The following SPTB variants were observed in gnomAD, a reference collection of about 807,000 sequenced individuals.
SPTB encodes the protein spectrin beta chain, erythrocytic.
In SPTB, 45 loss-of-function variants were observed where a neutral mutation model predicts 256.2. That is an observed-to-expected ratio of 0.18 (90% CI 0.14 to 0.23). The LOEUF (loss-of-function observed/expected upper bound fraction) is 0.23. Ranked by LOEUF, SPTB falls within the 10% of genes least tolerant of loss-of-function variation. The probability of loss-of-function intolerance (pLI) is 1.00; values close to 1 mark genes in which losing one functional copy is unlikely to be tolerated. For synonymous variants in SPTB, 1,231 were observed against 1,243.1 expected (o/e 0.99, Z 0.21); for missense variants, 2,715 against 3,040.4 (o/e 0.89, Z 2.52).
At position 64,792,126 on chromosome 14, in the gene SPTB, T is replaced by C. The variant is rs958209438; in HGVS notation, c.2667-270A>G. ...GGGCTTCTGGCTCAAGAGAGACATA[T>C]GAAGGGGAGGGAGGGCTGAAGAGAG... On this transcript the variant is annotated intron_variant, in intron 14 of 35. Coordinates refer to ENST00000644917, the MANE Select transcript of SPTB (RefSeq NM_001355436.2). The surrounding 1 kb of genome is among the most constrained non-coding windows in gnomAD (Gnocchi z 4.2). Among the ~76,000 whole-genome samples, 8 of 152,054 alleles carry C rather than the reference T, an allele frequency of 5.3e-5. No individual in the cohort carries two copies. Among genetic ancestry groups the C allele is most frequent in the African/African-American group, 1.7e-4 (7 of 41,400 alleles).
Position 64,830,331 on chromosome 14 carries a change from A to G in SPTB, c.-51-7186T>C, listed in dbSNP as rs2083433527. ...CTACAGACCTGATCTCAAACTCTGG[A>G]GTCTTATTATTATTATTATTATTAT... On this transcript the variant is annotated intron_variant, in intron 1 of 35. Coordinates refer to ENST00000644917, the MANE Select transcript of SPTB (RefSeq NM_001355436.2). Among the ~76,000 whole-genome samples, 5 of 115,294 alleles carry G rather than the reference A, an allele frequency of 4.3e-5. No homozygotes were observed. The South Asian group carries it at 1.5e-3, about 34-fold the overall frequency. The allele number at this position is 115,294 out of a possible 152,430, so 75.6% of individuals were successfully genotyped here.
chr14:64,813,935 T>C (rs1452493454), intron 2 of SPTB, among the ~76,000 whole-genome samples: 1 of 152,204 alleles, frequency 6.6e-6, no homozygotes, highest in Non-Finnish European at 1.5e-5. Context: ...ACATCATAAA[T>C]GATGATGGCA....
At chr14:64,832,586 G>T (rs141085235) in intron 1 of SPTB, among the ~76,000 whole-genome samples, 3 of 152,026 alleles carry the variant, frequency 2.0e-5, no homozygotes, top group African/African-American at 7.3e-5. Flanking sequence ...TGAACCCATC[G>T]TGTCCAACTG....
chr14:64,749,304 T>C lies in SPTB; in HGVS notation c.*2A>G, dbSNP rs2139415013. The C allele has an allele frequency of 6.3e-7, 1 of 1,598,288 alleles. No individual in the cohort carries two copies. On this transcript the variant is annotated 3_prime_UTR_variant, in exon 36 of 36. Transcript: ENST00000644917. The surrounding 1 kb of genome is among the most constrained non-coding windows in gnomAD (Gnocchi z 4.7). Reference sequence around the variant, plus strand: ...CTCCGCCGCGCCCGCCAGCCCCACCTGCTACTTCTTTTTGGGGAAGAAGCT... The same window carrying C: ...CTCCGCCGCGCCCGCCAGCCCCACCCGCTACTTCTTTTTGGGGAAGAAGCT...
chr14:64,839,024 T>C (rs1186201595), intron 1 of SPTB, among the ~76,000 whole-genome samples: 1 of 151,634 alleles, frequency 6.6e-6, no homozygotes, highest in Non-Finnish European at 1.5e-5. Context: ...TCCTAGCTAC[T>C]GGGGAGGCTG....
Position 64,792,884 on chromosome 14 carries a change from C to A in SPTB, c.2666+113G>T. 6.8e-7 allele frequency: 1 copy of A among 1,466,468 alleles called. No individual in the cohort carries two copies. The highest frequency in any genetic ancestry group is 9.4e-7 in the Non-Finnish European group (1 of 1,063,786). 90.8% of individuals were successfully genotyped at this position (1,466,468 alleles called of 1,614,324 possible). A position where few individuals can be genotyped will look rare whatever the true frequency, so the allele number is the denominator to read the frequency against. On this transcript the variant is annotated intron_variant, in intron 14 of 35. Transcript: ENST00000644917. The surrounding 1 kb of genome is among the most constrained non-coding windows in gnomAD (Gnocchi z 4.2). Reference sequence around the variant, plus strand: ...CCAGGACTTTGCAACAAAGGACATCCCAGGGCCTCTCAAAGAGACCTTTGC... The same window carrying A: ...CCAGGACTTTGCAACAAAGGACATCACAGGGCCTCTCAAAGAGACCTTTGC...
At chr14:64,828,991 G>A (rs1594821429) in intron 1 of SPTB, among the ~76,000 whole-genome samples, 1 of 152,236 alleles carries the variant, frequency 6.6e-6, no homozygotes, top group Admixed American at 6.5e-5. Context: ...ATCAGATAAT[G>A]GGTTGATGGG....
chr14:64,837,902 G>A (rs2649195), intron 1 of SPTB, among the ~76,000 whole-genome samples: 15,710 of 152,082 alleles, frequency 0.1, 1,949 homozygotes, highest in African/African-American at 0.3. Flanking sequence ...GTGAGCCACC[G>A]CGCGTGGCCA....
In SPTB at chr14:64,775,435, C is replaced by A; in HGVS notation, c.4564-32G>T. On this transcript the variant is annotated intron_variant, in intron 22 of 35. Transcript: ENST00000644917. The surrounding 1 kb of genome is among the most constrained non-coding windows in gnomAD (Gnocchi z 5.0). Reference sequence around the variant, plus strand: ...CCAGAAGGAAGGGCTCGGGGCAGGGCCTTCCCACCATGCGGGGGAGGCTGC... The same window carrying A: ...CCAGAAGGAAGGGCTCGGGGCAGGGACTTCCCACCATGCGGGGGAGGCTGC... 6.2e-7 allele frequency: 1 copy of A among 1,603,238 alleles called. No homozygotes were observed. Among genetic ancestry groups the A allele is most frequent in the Non-Finnish European group, 8.5e-7 (1 of 1,173,226 alleles).
chr14:64,786,332 A>C lies in SPTB; in HGVS notation c.3561+72T>G, dbSNP rs1297447150. The C allele has an allele frequency of 1.3e-6, 2 of 1,581,236 alleles. No individual in the cohort carries two copies. The highest frequency in any genetic ancestry group is 1.7e-6 in the Non-Finnish European group (2 of 1,154,472). On this transcript the variant is annotated intron_variant, in intron 16 of 35. Coordinates refer to ENST00000644917, the MANE Select transcript of SPTB (RefSeq NM_001355436.2). This position sits in a 1 kb window ranked among gnomAD's most constrained non-coding sequence, Gnocchi z 5.6. The stretch of plus-strand genomic sequence containing the variant: ...TAATGTGGTCCCTGAGTCTTACAGC[A>C]CATTTGTGGACTCACCACAAGAGCT...
intron 1 of SPTB, among the ~76,000 whole-genome samples, chr14:64,870,754 T>C (rs1008403898): frequency 6.6e-6 from 1 of 152,348 alleles, no homozygotes; most frequent in Non-Finnish European, 1.5e-5. Flanking sequence ...ATAGAATTAC[T>C]ATGTGATCCA....
chr14:64,793,880 G>A lies in SPTB; in HGVS notation c.1796-13C>T. The A allele has an allele frequency of 6.3e-7, 1 of 1,592,450 alleles. No individual in the cohort carries two copies. Among genetic ancestry groups the A allele is most frequent in the Non-Finnish European group, 8.5e-7 (1 of 1,174,066 alleles). ...CAAGGCTGGTACCCTGGAAGAAATA[G>A]GGGGAAGGAGGACAAAGTGGGGGAT... is the stretch of plus-strand genomic sequence containing the variant. On this transcript the variant is annotated splice_polypyrimidine_tract_variant and intron_variant, in intron 13 of 35. Coordinates refer to ENST00000644917, the MANE Select transcript of SPTB (RefSeq NM_001355436.2). This position sits in a 1 kb window ranked among gnomAD's most constrained non-coding sequence, Gnocchi z 7.0.
chr14:64,786,061 GC>G lies in SPTB; in HGVS notation c.3562-111del. On this transcript the variant is annotated intron_variant, in intron 16 of 35. Coordinates refer to ENST00000644917, the MANE Select transcript of SPTB (RefSeq NM_001355436.2). The surrounding 1 kb of genome is among the most constrained non-coding windows in gnomAD (Gnocchi z 5.6). ...GCCACACAGGCCACGGTATGAATGA[GC>G]CCCCTAGAGTAGTACAGGGAGGAGG... is the stretch of plus-strand genomic sequence containing the variant. 1.8e-6 allele frequency: 2 copies of G among 1,117,244 alleles called. No homozygotes were observed. The highest frequency in any genetic ancestry group is 2.4e-5 in the East Asian group (1 of 42,312). 69.2% of individuals were successfully genotyped at this position (1,117,244 alleles called of 1,614,324 possible). A position where few individuals can be genotyped will look rare whatever the true frequency, so the allele number is the denominator to read the frequency against.
intron 1 of SPTB, among the ~76,000 whole-genome samples, chr14:64,828,490 G>A (rs1056107870): frequency 1.3e-5 from 2 of 152,208 alleles, no homozygotes; most frequent in African/African-American, 4.8e-5. Flanking sequence ...AGAGGGGAGA[G>A]ATGATACTCA....
chr14:64,864,683 G>T (rs1882056269), intron 1 of SPTB, among the ~76,000 whole-genome samples: 1 of 152,134 alleles, frequency 6.6e-6, no homozygotes, highest in Non-Finnish European at 1.5e-5. Flanking sequence ...GTTAATAGTT[G>T]TTACCTGTGC....
chr14:64,810,335 T>C (rs1247518852), intron 2 of SPTB, among the ~76,000 whole-genome samples: 1 of 152,192 alleles, frequency 6.6e-6, no homozygotes, highest in Admixed American at 6.5e-5. Flanking sequence ...TACTCCAGGA[T>C]AAATTTCATG....
intron 1 of SPTB, among the ~76,000 whole-genome samples, chr14:64,850,315 A>C (rs917690761): frequency 6.6e-6 from 1 of 152,182 alleles, no homozygotes; most frequent in East Asian, 1.9e-4. Context: ...GCCTCCCCAG[A>C]GGCTGTCCAC....
At chr14:64,831,717 G>A (rs1418518536) in intron 1 of SPTB, among the ~76,000 whole-genome samples, 3 of 152,214 alleles carry the variant, frequency 2.0e-5, no homozygotes, top group Non-Finnish European at 4.4e-5. Flanking sequence ...TGATTGTGGT[G>A]GCGGGGAGGT....
Position 64,779,972 on chromosome 14 carries a change from C to G in SPTB, c.4267-41G>C. On this transcript the variant is annotated intron_variant, in intron 20 of 35. Transcript: ENST00000644917. The surrounding 1 kb of genome is among the most constrained non-coding windows in gnomAD (Gnocchi z 4.2). ...ACGGTGTCAGCACCAGCCTTGGCAC[C>G]TGCACAGCCCCTCCATCTTCTTCAT... 5 of 1,536,666 alleles carry G rather than the reference C, an allele frequency of 3.3e-6. No individual in the cohort carries two copies. The highest frequency in any genetic ancestry group is 4.5e-6 in the Non-Finnish European group (5 of 1,110,178).
Sources: allele counts gnomAD v4.1 joint callset (sites outside exome capture counted in the v4.1 genomes callset), GRCh38; gene constraint gnomAD v4.1.1; non-coding constraint Gnocchi (gnomAD v3.1); transcripts MANE v1.5; gene names NCBI Gene and HGNC (gene_info 2026-07-23, HGNC 2026-07-21).